PTPRR: variants seen among roughly 807,000 people sequenced by gnomAD.
The protein encoded by PTPRR is protein tyrosine phosphatase receptor type R.
PTPRR carries 38 observed loss-of-function variants against 77.2 expected under a neutral mutation model. That is an observed-to-expected ratio of 0.49 (90% CI 0.38 to 0.65). PTPRR has a LOEUF of 0.65. Ranked by LOEUF, PTPRR falls within the 30% of genes least tolerant of loss-of-function variation. The probability of loss-of-function intolerance (pLI) is 0.00; values close to 1 mark genes in which losing one functional copy is unlikely to be tolerated. For synonymous variants in PTPRR, 299 were observed against 283.1 expected (o/e 1.06, Z -0.57); for missense variants, 744 against 799.2 (o/e 0.93, Z 0.83).
chr12:70,669,097 T>C (rs1566056145), intron 10 of PTPRR, among the ~76,000 whole-genome samples: 1 of 152,188 alleles, frequency 6.6e-6, no homozygotes. Flanking sequence ...AGAATACTCA[T>C]AATGTTAAAA....
intron 2 of PTPRR, among the ~76,000 whole-genome samples, chr12:70,806,925 C>T (rs922193816): frequency 1.2e-4 from 18 of 152,192 alleles, no homozygotes; most frequent in Non-Finnish European, 1.9e-4. Flanking sequence ...CTCCTTTTCT[C>T]TTGCCATTTC....
chr12:70,658,521 C>T (rs12831813), intron 12 of PTPRR, among the ~76,000 whole-genome samples: 42,919 of 151,896 alleles, frequency 0.28, 7,881 homozygotes, highest in African/African-American at 0.52. Flanking sequence ...GCTGTTATAA[C>T]TGAGAGAGAA....
chr12:70,861,032 TTTTG>T (rs1360733849), intron 2 of PTPRR, among the ~76,000 whole-genome samples: 15 of 152,178 alleles, frequency 9.9e-5, no homozygotes, highest in African/African-American at 3.4e-4. Flanking sequence ...AGCAGGGATT[TTTTG>T]TTTGTGTTGA....
intron 8 of PTPRR, among the ~76,000 whole-genome samples, chr12:70,686,191 T>G (rs1190052534): frequency 2.0e-5 from 3 of 152,150 alleles, no homozygotes; most frequent in Non-Finnish European, 4.4e-5. Context: ...ACACTATCAT[T>G]GAACATCTTC....
At position 70,798,464 on chromosome 12, in the gene PTPRR, G is replaced by T. The variant is rs928554303; in HGVS notation, c.358-33686C>A. Among the ~76,000 whole-genome samples the T allele has an allele frequency of 3.9e-5, 6 of 152,246 alleles. No individual in the cohort carries two copies. The East Asian group carries it at 1.2e-3, about 29-fold the overall frequency. The stretch of plus-strand genomic sequence containing the variant: ...ATTCAGTGCAGAAACTCTTTAAGTT[G>T]TCTTTTCCTACTGCTTTTACAACAG... On this transcript the variant is annotated intron_variant, in intron 2 of 13. Coordinates refer to ENST00000283228, the MANE Select transcript of PTPRR (RefSeq NM_002849.4).
chr12:70,754,325 C>A (rs372393242), intron 4 of PTPRR, 24 bp from the exon 5 acceptor site: 1 of 1,611,672 alleles, frequency 6.2e-7, no homozygotes, highest in African/African-American at 1.3e-5. Flanking sequence ...ACAGAAAGTC[C>A]GACGTTAAAT....
rs139611308 is a variant in PTPRR, at chr12:70,702,583, T to TACA, written c.1008-1263_1008-1261dup. Among the ~76,000 whole-genome samples, 382 of 152,284 alleles carry TACA rather than the reference T, an allele frequency of 2.5e-3. 2 individuals carry two copies. The highest frequency in any genetic ancestry group is 8.5e-3 in the African/African-American group (355 of 41,564). Reference sequence around the variant, plus strand: ...CAAACAGTGGAAAATTATTGGAATATACAACAACAACAACAAAATCCATTA... The same window carrying TACA: ...CAAACAGTGGAAAATTATTGGAATATACAACAACAACAACAACAAAATCCATTA... On this transcript the variant is annotated intron_variant, in intron 6 of 13. Coordinates refer to ENST00000283228, the MANE Select transcript of PTPRR (RefSeq NM_002849.4).
chr12:70,868,442 A>T (rs1389437110), intron 2 of PTPRR, among the ~76,000 whole-genome samples: 3 of 152,174 alleles, frequency 2.0e-5, no homozygotes, highest in Admixed American at 6.5e-5. Context: ...AAAAATGCTC[A>T]TCATCACTGG....
At chr12:70,903,208 A>G (rs992209813) in intron 1 of PTPRR, among the ~76,000 whole-genome samples, 6 of 151,836 alleles carry the variant, frequency 4.0e-5, no homozygotes, top group African/African-American at 1.4e-4. Context: ...ACTATAGTCA[A>G]TAATTTATTG....
At chr12:70,805,026 T>C (rs1368887066) in intron 2 of PTPRR, among the ~76,000 whole-genome samples, 1 of 152,216 alleles carries the variant, frequency 6.6e-6, no homozygotes, top group Non-Finnish European at 1.5e-5. Context: ...CGAGATAGTA[T>C]ATATCCTTTA....
At chr12:70,657,425 A>G (rs1240939538) in intron 12 of PTPRR, among the ~76,000 whole-genome samples, 3 of 152,220 alleles carry the variant, frequency 2.0e-5, no homozygotes, top group Admixed American at 2.0e-4. Context: ...TGATAATTGA[A>G]CAGAAATGAT....
chr12:70,793,464 G>C (rs1464347538), intron 2 of PTPRR, among the ~76,000 whole-genome samples: 5 of 152,172 alleles, frequency 3.3e-5, no homozygotes. Context: ...CAAAGCAAAA[G>C]TAGATCAGTC....
chr12:70,848,867 T>C (rs1057197762), intron 2 of PTPRR, among the ~76,000 whole-genome samples: 1 of 152,206 alleles, frequency 6.6e-6, no homozygotes, highest in Non-Finnish European at 1.5e-5. Context: ...GTAGTATCAC[T>C]CAACCAAACA....
intron 12 of PTPRR, among the ~76,000 whole-genome samples, chr12:70,657,529 G>T (rs1886630253): frequency 6.6e-6 from 1 of 152,140 alleles, no homozygotes; most frequent in African/African-American, 2.4e-5. Flanking sequence ...GTCTCTGTCT[G>T]CAGTTTTAAC....
At chr12:70,649,091 G>A (rs1029113407) in intron 13 of PTPRR, among the ~76,000 whole-genome samples, 3 of 152,224 alleles carry the variant, frequency 2.0e-5, no homozygotes, top group Non-Finnish European at 2.9e-5. Flanking sequence ...TAACACATTC[G>A]TCTCTGAACC....
intron 7 of PTPRR, among the ~76,000 whole-genome samples, chr12:70,699,427 G>A (rs1888343146): frequency 6.6e-6 from 1 of 152,042 alleles, no homozygotes; most frequent in Non-Finnish European, 1.5e-5. Flanking sequence ...GTTCTACAGA[G>A]AGAAACAGCT....
chr12:70,765,651 G>A (rs1017266079), intron 2 of PTPRR, among the ~76,000 whole-genome samples: 4 of 152,196 alleles, frequency 2.6e-5, no homozygotes, highest in Non-Finnish European at 5.9e-5. Flanking sequence ...GAGCTTTGAA[G>A]AGAGCAGTGG....
chr12:70,741,366 C>A (rs1273542861), intron 6 of PTPRR, among the ~76,000 whole-genome samples: 1 of 152,110 alleles, frequency 6.6e-6, no homozygotes. Flanking sequence ...CGGGGAGCCT[C>A]CATACAGAAG....
intron 4 of PTPRR, among the ~76,000 whole-genome samples, chr12:70,760,743 G>A (rs1890672296): frequency 6.6e-6 from 1 of 152,290 alleles, no homozygotes; most frequent in Non-Finnish European, 1.5e-5. Flanking sequence ...TATCTACAAG[G>A]TGTTACACAT....
Sources: allele counts gnomAD v4.1 joint callset (sites outside exome capture counted in the v4.1 genomes callset), GRCh38; gene constraint gnomAD v4.1.1; transcripts MANE v1.5; gene names NCBI Gene and HGNC (gene_info 2026-07-23, HGNC 2026-07-21).